LRRC49: variants seen among roughly 807,000 people sequenced by gnomAD.
LRRC49 encodes leucine rich repeat containing 49.
LRRC49 carries 50 observed loss-of-function variants against 83.3 expected under a neutral mutation model. That is an observed-to-expected ratio of 0.60 (90% CI 0.48 to 0.76). The LOEUF (loss-of-function observed/expected upper bound fraction) is 0.76. Among genes scored for constraint, LRRC49 ranks in the 30% least tolerant of loss-of-function variants. The pLI, the probability that LRRC49 is intolerant of heterozygous loss-of-function variation, is 0.00. For missense variants in LRRC49, 704 were observed against 809.1 expected (o/e 0.87, Z 1.58); for synonymous variants, 286 against 283.3 (o/e 1.01, Z -0.10).
intron 10 of LRRC49, among the ~76,000 whole-genome samples, chr15:70,983,588 T>G (rs952114360): frequency 6.6e-6 from 1 of 152,148 alleles, no homozygotes; most frequent in Non-Finnish European, 1.5e-5. Context: ...TCAGACAGTA[T>G]AATTTATTCT....
At chr15:71,023,287 A>G (rs2039050461) in intron 14 of LRRC49, among the ~76,000 whole-genome samples, 1 of 152,236 alleles carries the variant, frequency 6.6e-6, no homozygotes, top group Non-Finnish European at 1.5e-5. Context: ...AAGAAAAGAA[A>G]TGATGTTCAA....
In LRRC49 at chr15:71,046,565, G is replaced by A. The variant is rs184291754; in HGVS notation, c.1858-2844G>A. Among the ~76,000 whole-genome samples, 452 of 152,048 alleles carry A rather than the reference G, an allele frequency of 3.0e-3. 1 individual carries two copies. The highest frequency in any genetic ancestry group is 0.02 in the Middle Eastern group (6 of 294). On this transcript the variant is annotated intron_variant, in intron 15 of 15. Coordinates refer to ENST00000260382, the MANE Select transcript of LRRC49 (RefSeq NM_017691.5). ...TACTGGGGTTATTTGGTTTTTGCTT[G>A]GTGATTTAAGTTCCCTATAAATTCT...
chr15:70,894,889 C>G (rs1229395700), intron 2 of LRRC49: 1 of 190,124 alleles, frequency 5.3e-6, no homozygotes, highest in Non-Finnish European at 1.1e-5. Context: ...AAATAAACAG[C>G]AGTTAGATTA....
chr15:70,875,028 A>G (rs2033122860), intron 2 of LRRC49, among the ~76,000 whole-genome samples: 1 of 152,220 alleles, frequency 6.6e-6, no homozygotes, highest in Non-Finnish European at 1.5e-5. Flanking sequence ...TCTGATGAAG[A>G]GTGGGATCAA....
chr15:70,921,865 C>T (rs532087897), intron 7 of LRRC49, among the ~76,000 whole-genome samples: 1 of 152,296 alleles, frequency 6.6e-6, no homozygotes, highest in African/African-American at 2.4e-5. Flanking sequence ...CTTGAACAGA[C>T]ACCTTCTCTG....
In LRRC49 at chr15:71,052,985, TACTA is replaced by T. The variant is rs2040012048; in HGVS notation, c.*3376_*3379del. The T allele has an allele frequency of 1.3e-5, 2 of 152,208 alleles. No homozygotes were observed. The highest frequency in any genetic ancestry group is 2.9e-5 in the Non-Finnish European group (2 of 68,040). 9.4% of individuals were successfully genotyped at this position (152,208 alleles called of 1,614,324 possible). ...TCGTAGACATTATGTGCGGTATAAA[TACTA>T]ACAAATGTATAAGTACACATGTACA... On this transcript the variant is annotated 3_prime_UTR_variant, in exon 16 of 16. Transcript: ENST00000260382.
intron 8 of LRRC49, among the ~76,000 whole-genome samples, chr15:70,940,598 A>G (rs2035778988): frequency 6.6e-6 from 1 of 152,204 alleles, no homozygotes; most frequent in Admixed American, 6.5e-5. Context: ...TAGTTGAGAT[A>G]CAAGGTTTTA....
chr15:71,037,099 C>T, intron 14 of LRRC49, 80 bp from the exon 15 acceptor site: 2 of 988,406 alleles, frequency 2.0e-6, no homozygotes, highest in East Asian at 2.4e-5. Flanking sequence ...ATATGTTCTC[C>T]TCTAAAGTCA....
intron 11 of LRRC49, among the ~76,000 whole-genome samples, chr15:70,996,012 A>G (rs1038068657): frequency 6.6e-6 from 1 of 152,098 alleles, no homozygotes; most frequent in Non-Finnish European, 1.5e-5. Flanking sequence ...TAATTAGGAA[A>G]GGGATCCACA....
At chr15:70,923,810 A>G (rs2035093114) in intron 7 of LRRC49, among the ~76,000 whole-genome samples, 1 of 151,712 alleles carries the variant, frequency 6.6e-6, no homozygotes, top group Non-Finnish European at 1.5e-5. Flanking sequence ...TTCTCCATAT[A>G]TCAGTTAATA....
chr15:70,959,434 T>C (rs533549277), intron 8 of LRRC49, among the ~76,000 whole-genome samples: 2 of 148,892 alleles, frequency 1.3e-5, no homozygotes, highest in South Asian at 4.2e-4. Flanking sequence ...GAGGTTGCAG[T>C]GAGCCGAGAT....
At chr15:71,034,737 G>T (rs1178714460) in intron 14 of LRRC49, among the ~76,000 whole-genome samples, 1 of 152,200 alleles carries the variant, frequency 6.6e-6, no homozygotes, top group Non-Finnish European at 1.5e-5. Context: ...CATGTCCCTT[G>T]CAAGGACATG....
chr15:70,867,436 C>T (rs2032937144), intron 1 of LRRC49, among the ~76,000 whole-genome samples: 1 of 147,866 alleles, frequency 6.8e-6, no homozygotes, highest in South Asian at 2.1e-4. Flanking sequence ...CGGGAATGGC[C>T]ATTTTTGGAG....
intron 10 of LRRC49, among the ~76,000 whole-genome samples, chr15:70,982,630 G>C (rs975154271): frequency 1.3e-5 from 2 of 151,934 alleles, no homozygotes; most frequent in Non-Finnish European, 2.9e-5. Context: ...ATTTTTTTTA[G>C]AGATGGGGTC....
Position 70,906,280 on chromosome 15 carries a change from A to G in LRRC49, c.500+1525A>G, listed in dbSNP as rs924904395. Among the ~76,000 whole-genome samples, 3 of 151,900 alleles carry G rather than the reference A, an allele frequency of 2.0e-5. No individual in the cohort carries two copies. The East Asian group carries it at 5.8e-4, about 29-fold the overall frequency. On this transcript the variant is annotated intron_variant, in intron 5 of 15. Coordinates refer to ENST00000260382, the MANE Select transcript of LRRC49 (RefSeq NM_017691.5). Reference sequence around the variant, plus strand: ...CCCAGCTAATTTTTGTATATTTAGTAGAGATGGGGTTTCACCATGTTGGCC... The same window carrying G: ...CCCAGCTAATTTTTGTATATTTAGTGGAGATGGGGTTTCACCATGTTGGCC...
chr15:70,949,167 T>C (rs947855903), intron 8 of LRRC49, among the ~76,000 whole-genome samples: 1 of 152,236 alleles, frequency 6.6e-6, no homozygotes, highest in African/African-American at 2.4e-5. Context: ...ATATTTGGCC[T>C]GTGGGCTGTA....
chr15:70,972,854 T>C (rs1021599174), intron 9 of LRRC49, among the ~76,000 whole-genome samples: 1 of 152,146 alleles, frequency 6.6e-6, no homozygotes, highest in Admixed American at 6.5e-5. Context: ...TATGTTCTTC[T>C]CTAAACTGGT....
intron 5 of LRRC49, among the ~76,000 whole-genome samples, 199 bp downstream of exon 5, chr15:70,904,954 C>G (rs988728852): frequency 6.6e-6 from 1 of 152,094 alleles, no homozygotes; most frequent in Non-Finnish European, 1.5e-5. Context: ...CACCAGATAA[C>G]GTTTATTATG....
intron 4 of LRRC49, among the ~76,000 whole-genome samples, chr15:70,903,584 T>C (rs778015968): frequency 6.6e-5 from 10 of 152,136 alleles, no homozygotes; most frequent in South Asian, 2.1e-4. Context: ...GTTTCACTTA[T>C]GCTAGTAACA....
Sources: gnomAD v4.1 joint callset for allele counts (sites outside exome capture counted in the v4.1 genomes callset) on GRCh38, gnomAD v4.1.1 for gene constraint, MANE v1.5 for transcripts, NCBI Gene and HGNC (gene_info 2026-07-23, HGNC 2026-07-21) for gene names.